SGPP1: variants seen among roughly 807,000 people sequenced by gnomAD.
SGPP1 encodes hSPP1.
In SGPP1, 21 loss-of-function variants were observed where a neutral mutation model predicts 33.0. The ratio of observed to expected loss-of-function variants is 0.64; its 90% CI spans 0.45 to 0.92. The LOEUF (loss-of-function observed/expected upper bound fraction) is 0.92, where lower values mean the gene tolerates loss of function less well. Ranked by LOEUF, SGPP1 falls within the 40% of genes least tolerant of loss-of-function variation. SGPP1 has a pLI of 0.00. For missense variants in SGPP1, 543 were observed against 589.4 expected, an observed-to-expected ratio of 0.92 and a Z score of 0.81; for synonymous variants, 239 against 241.2, an observed-to-expected ratio of 0.99 and a Z score of 0.08.
intron 1 of SGPP1, among the ~76,000 whole-genome samples, chr14:63,725,611 A>C (rs1205802671): frequency 6.6e-6 from 1 of 152,230 alleles, no homozygotes; most frequent in East Asian, 1.9e-4. Context: ...TTGTTTAAAA[A>C]CTAAATCTAA....
chr14:63,717,641 G>A (rs1000218581), intron 1 of SGPP1, among the ~76,000 whole-genome samples: 4 of 152,120 alleles, frequency 2.6e-5, no homozygotes, highest in African/African-American at 9.7e-5. Context: ...AATTTCCAAA[G>A]AACCGAATGG....
At position 63,698,501 on chromosome 14, in the gene SGPP1, TA is replaced by T. The variant is rs1221282091; in HGVS notation, c.774+67del. 3 of 894,538 alleles carry T rather than the reference TA, an allele frequency of 3.4e-6. No homozygotes were observed. In the African/African-American group the frequency reaches 5.2e-5, roughly 15 times the overall value. The allele number at this position is 894,538 out of a possible 1,614,324, so 55.4% of individuals were successfully genotyped here. A position where few individuals can be genotyped will look rare whatever the true frequency, so the allele number is the denominator to read the frequency against. On this transcript the variant is annotated intron_variant, in intron 2 of 2. Coordinates refer to ENST00000247225, the MANE Select transcript of SGPP1 (RefSeq NM_030791.4). Reference sequence around the variant, plus strand: ...GGCTTCAGGTAAGTTTGCAAATGATTAAAAATTATAAAATTTCCTGTCAATG... The same window carrying T: ...GGCTTCAGGTAAGTTTGCAAATGATTAAAATTATAAAATTTCCTGTCAATG...
At chr14:63,703,129 G>A (rs1420480245) in intron 1 of SGPP1, among the ~76,000 whole-genome samples, 1 of 151,154 alleles carries the variant, frequency 6.6e-6, no homozygotes, top group Admixed American at 6.6e-5. Flanking sequence ...AAACATATTA[G>A]AATTAATAAA....
intron 2 of SGPP1, among the ~76,000 whole-genome samples, chr14:63,691,113 T>C (rs1377239824): frequency 1.3e-5 from 2 of 152,272 alleles, no homozygotes; most frequent in Non-Finnish European, 2.9e-5. Context: ...CTTAAAATTA[T>C]AATTGTATTC....
intron 1 of SGPP1, among the ~76,000 whole-genome samples, chr14:63,720,001 C>T (rs1027410210): frequency 6.0e-5 from 9 of 151,236 alleles, no homozygotes; most frequent in Non-Finnish European, 1.0e-4. Context: ...TGGTAGGTGC[C>T]GGTAATCCCA....
intron 1 of SGPP1, among the ~76,000 whole-genome samples, chr14:63,705,988 A>T (rs1051232764): frequency 6.6e-6 from 1 of 152,270 alleles, no homozygotes; most frequent in African/African-American, 2.4e-5. Flanking sequence ...ATATGTTCAT[A>T]CCAGTACTAT....
In SGPP1 at chr14:63,722,344, G is replaced by A. The variant is rs538965251; in HGVS notation, c.684+4917C>T. ...TAGAGGCTAGCCTGACCAACATGGT[G>A]AAACCCTGTCTCTATTGAAAAAAAA... On this transcript the variant is annotated intron_variant, in intron 1 of 2. Coordinates refer to ENST00000247225, the MANE Select transcript of SGPP1 (RefSeq NM_030791.4). 1.1e-4 allele frequency among the ~76,000 whole-genome samples: 16 copies of A among 143,520 alleles called. 1 individual carries two copies. The Admixed American group carries it at 1.1e-3, about 10-fold the overall frequency. 94.2% of individuals were successfully genotyped at this position (143,520 alleles called of 152,430 possible).
chr14:63,714,805 T>G (rs940397358), intron 1 of SGPP1, among the ~76,000 whole-genome samples: 1 of 151,816 alleles, frequency 6.6e-6, no homozygotes, highest in Non-Finnish European at 1.5e-5. Flanking sequence ...AGTGATGTGG[T>G]TACAGCTCAC....
intron 1 of SGPP1, among the ~76,000 whole-genome samples, chr14:63,719,127 A>C (rs1179383260): frequency 7.1e-6 from 1 of 141,478 alleles, no homozygotes; most frequent in Non-Finnish European, 1.5e-5. Flanking sequence ...TCCCAGGTTC[A>C]AGCGATTCTC....
At chr14:63,713,721 T>A (rs894083455) in intron 1 of SGPP1, among the ~76,000 whole-genome samples, 3 of 152,260 alleles carry the variant, frequency 2.0e-5, no homozygotes, top group Non-Finnish European at 4.4e-5. Flanking sequence ...ATTTTCTTGC[T>A]ATTGTCTTTA....
intron 2 of SGPP1, among the ~76,000 whole-genome samples, chr14:63,688,778 G>C (rs1885035237): frequency 6.7e-6 from 1 of 148,704 alleles, no homozygotes; most frequent in Admixed American, 6.7e-5. Context: ...CTGGAATGCA[G>C]TGGCGTGATC....
In SGPP1 at chr14:63,728,019, CA is replaced by C; in HGVS notation, c.-76del. On this transcript the variant is annotated 5_prime_UTR_variant, in exon 1 of 3. Transcript: ENST00000247225. Reference sequence around the variant, plus strand: ...CTGTCCCCGCGCTCCTGGCCAGCGGCAGCGGAACCGGCACAGCGCTCTACCC... The same window carrying C: ...CTGTCCCCGCGCTCCTGGCCAGCGGCGCGGAACCGGCACAGCGCTCTACCC... 1 of 1,419,184 alleles carries C rather than the reference CA, an allele frequency of 7.0e-7. No individual in the cohort carries two copies. Among genetic ancestry groups the C allele is most frequent in the Admixed American group, 2.8e-5 (1 of 35,792 alleles). 87.9% of individuals were successfully genotyped at this position (1,419,184 alleles called of 1,614,324 possible).
At chr14:63,709,039 A>C (rs1393639204) in intron 1 of SGPP1, among the ~76,000 whole-genome samples, 1 of 152,208 alleles carries the variant, frequency 6.6e-6, no homozygotes, top group Non-Finnish European at 1.5e-5. Context: ...AATGAAGGCT[A>C]AATAAAAATT....
chr14:63,693,020 G>T (rs762362057), intron 2 of SGPP1, among the ~76,000 whole-genome samples: 3 of 151,944 alleles, frequency 2.0e-5, no homozygotes, highest in Non-Finnish European at 2.9e-5. Flanking sequence ...CCACAGCCTC[G>T]ACTTCCTGGG....
intron 1 of SGPP1, among the ~76,000 whole-genome samples, chr14:63,718,979 T>TAC (rs1885690232): frequency 2.1e-4 from 2 of 9,600 alleles, no homozygotes; most frequent in Non-Finnish European, 3.5e-4. Context: ...TGTATATACA[T>TAC]ATATATATAT....
At chr14:63,693,997 T>C (rs2139630741) in intron 2 of SGPP1, among the ~76,000 whole-genome samples, 1 of 152,310 alleles carries the variant, frequency 6.6e-6, no homozygotes, top group East Asian at 1.9e-4. Flanking sequence ...GTGAAAAAAC[T>C]GGCCAGGCAC....
intron 1 of SGPP1, among the ~76,000 whole-genome samples, chr14:63,700,626 TA>T (rs1885277255): frequency 6.6e-6 from 1 of 152,214 alleles, no homozygotes; most frequent in African/African-American, 2.4e-5. Context: ...TGTAAATATG[TA>T]TAAGTTATAT....
chr14:63,686,546 G>C lies in SGPP1; in HGVS notation c.885C>G (p.Ile295Met). 3 of 1,614,084 alleles carry C rather than the reference G, an allele frequency of 1.9e-6. No individual in the cohort carries two copies. The highest frequency in any genetic ancestry group is 2.5e-6 in the Non-Finnish European group (3 of 1,180,002). Residue 295 changes from isoleucine to methionine, a missense_variant, in exon 3 of 3, where the codon ATC (isoleucine) becomes ATG (methionine). Coordinates refer to ENST00000247225, the MANE Select transcript of SGPP1 (RefSeq NM_030791.4). Reference sequence around the variant, plus strand: ...TCCCCAAAGCTAAATGAAGCCCGATGATGATGAATGGAGCATATTTGTGAG... The same window carrying C: ...TCCCCAAAGCTAAATGAAGCCCGATCATGATGAATGGAGCATATTTGTGAG... ...NQTHKYAPFI[I>M]IGLHLALGIF...
At chr14:63,699,536 T>C (rs199534772) in intron 1 of SGPP1, among the ~76,000 whole-genome samples, 1 of 152,144 alleles carries the variant, frequency 6.6e-6, no homozygotes, top group East Asian at 1.9e-4. Context: ...AAATATTTAG[T>C]ACGAAATTGT....
Sources: allele counts gnomAD v4.1 joint callset (sites outside exome capture counted in the v4.1 genomes callset), GRCh38; gene constraint gnomAD v4.1.1; transcripts MANE v1.5; gene names NCBI Gene and HGNC (gene_info 2026-07-23, HGNC 2026-07-21).